MED27: variants seen among roughly 807,000 people sequenced by gnomAD.
MED27 encodes mediator of RNA polymerase II transcription subunit 27.
MED27 carries 30 observed loss-of-function variants against 38.2 expected under a neutral mutation model. That is an observed-to-expected ratio of 0.79 (90% CI 0.59 to 1.07). The LOEUF (loss-of-function observed/expected upper bound fraction) is 1.07. Ranked by LOEUF, MED27 falls within the 50% of genes least tolerant of loss-of-function variation. The pLI is 0.00. For missense variants in MED27, 289 were observed against 397.5 expected (o/e 0.73, Z 2.32); for synonymous variants, 122 against 153.5 (o/e 0.79, Z 1.52).
rs1243568539 is a variant in MED27 at position 131,944,046 on chromosome 9, A to ATC, written c.480-4574_480-4573dup. Among the ~76,000 whole-genome samples, 3 of 152,078 alleles carry ATC rather than the reference A, an allele frequency of 2.0e-5. No individual in the cohort carries two copies. In the East Asian group the frequency reaches 5.8e-4, roughly 29 times the overall value. ...CACTTTTTTCCAGCACAACCCAACC[A>ATC]TCTCTTCCAGAAGGACAGCTTCAGT... is the stretch of plus-strand genomic sequence containing the variant. On this transcript the variant is annotated intron_variant, in intron 3 of 7. Transcript: ENST00000292035.
At chr9:132,008,140 T>TA (rs1192409950) in intron 3 of MED27, among the ~76,000 whole-genome samples, 1 of 152,236 alleles carries the variant, frequency 6.6e-6, no homozygotes, top group Non-Finnish European at 1.5e-5. Context: ...AGCCTGGCCA[T>TA]ACTGATTGAA....
chr9:132,035,089 T>C lies in MED27; in HGVS notation c.349-20622A>G, dbSNP rs966098249. Among the ~76,000 whole-genome samples the C allele has an allele frequency of 3.3e-5, 5 of 152,144 alleles. No individual in the cohort carries two copies. In the East Asian group the frequency reaches 9.7e-4, roughly 29 times the overall value. On this transcript the variant is annotated intron_variant, in intron 2 of 7. Coordinates refer to ENST00000292035, the MANE Select transcript of MED27 (RefSeq NM_004269.4). ...CAAGTGTTCACTGTGGGGCAGGCAT[T>C]AAATCCTTGCAATGCAATAAAGGGG...
chr9:132,001,658 G>C (rs370410675), intron 3 of MED27, among the ~76,000 whole-genome samples: 13 of 152,324 alleles, frequency 8.5e-5, no homozygotes, highest in African/African-American at 2.9e-4. Context: ...TTCCAGAGCT[G>C]ATGAGGCAGC....
At chr9:131,946,792 C>T (rs1463287821) in intron 3 of MED27, among the ~76,000 whole-genome samples, 6 of 152,324 alleles carry the variant, frequency 3.9e-5, no homozygotes, top group African/African-American at 1.4e-4. Flanking sequence ...TATTCTCACC[C>T]CCGTGCCTGG....
chr9:131,880,027 G>A (rs1347349539), intron 6 of MED27, among the ~76,000 whole-genome samples: 3 of 152,244 alleles, frequency 2.0e-5, no homozygotes, highest in Non-Finnish European at 2.9e-5. Context: ...TCCCACCTCT[G>A]CACGTAGTGC....
chr9:132,051,113 A>G lies in MED27; in HGVS notation c.348+26329T>C, dbSNP rs1833455420. On this transcript the variant is annotated intron_variant, in intron 2 of 7. Transcript: ENST00000292035. This position sits in a 1 kb window ranked among gnomAD's most constrained non-coding sequence, Gnocchi z 4.2. ...TTTTTCAAATGAAGTGTCAAGACAC[A>G]GCAGTTTTTGTAATCAATTATGAGA... Among the ~76,000 whole-genome samples, 1 of 152,250 alleles carries G rather than the reference A, an allele frequency of 6.6e-6. No individual in the cohort carries two copies. Among genetic ancestry groups the G allele is most frequent in the Non-Finnish European group, 1.5e-5 (1 of 68,040 alleles).
At chr9:131,964,330 T>G in intron 3 of MED27, among the ~76,000 whole-genome samples, 3 of 150,640 alleles carry the variant, frequency 2.0e-5, no homozygotes, top group East Asian at 2.0e-4. Context: ...GTGGTGGAGG[T>G]GATGGTGGTG....
At chr9:131,985,219 C>T (rs1212487812) in intron 3 of MED27, among the ~76,000 whole-genome samples, 1 of 152,108 alleles carries the variant, frequency 6.6e-6, no homozygotes. Flanking sequence ...CTGTTTTCTT[C>T]AAGACTCTGG....
Position 132,060,516 on chromosome 9 carries a change from T to C in MED27, c.348+16926A>G, listed in dbSNP as rs140483487. Among the ~76,000 whole-genome samples, 299 of 152,226 alleles carry C rather than the reference T, an allele frequency of 2.0e-3. 2 individuals are homozygous for C. Among genetic ancestry groups the C allele is most frequent in the African/African-American group, 6.9e-3 (285 of 41,554 alleles). On this transcript the variant is annotated intron_variant, in intron 2 of 7. Coordinates refer to ENST00000292035, the MANE Select transcript of MED27 (RefSeq NM_004269.4). ...CCACCCGACTGTGACCACTGCACGG[T>C]CCCACATGATGGCTCCATTTCTATA...
Position 131,997,389 on chromosome 9 carries a change from C to T in MED27, c.479+16948G>A, listed in dbSNP as rs1483196213. On this transcript the variant is annotated intron_variant, in intron 3 of 7. Coordinates refer to ENST00000292035, the MANE Select transcript of MED27 (RefSeq NM_004269.4). This position sits in a 1 kb window ranked among gnomAD's most constrained non-coding sequence, Gnocchi z 4.0. ...CCTCTGCTGCAGACAGCTATCTCAC[C>T]GAGGTCACAGCCTTCCTGGAGCCAC... Among the ~76,000 whole-genome samples the T allele has an allele frequency of 3.3e-5, 5 of 152,148 alleles. No homozygotes were observed. Among genetic ancestry groups the T allele is most frequent in the Non-Finnish European group, 7.4e-5 (5 of 68,024 alleles).
rs1834138608 is a variant in MED27 at position 132,079,848 on chromosome 9, G to A, written c.-4C>T. 6.3e-7 allele frequency: 1 copy of A among 1,575,126 alleles called. No homozygotes were observed. The highest frequency in any genetic ancestry group is 1.9e-5 in the Admixed American group (1 of 53,142). ...TGACATTTATCACGTCCGCCATGTT[G>A]CCGCCGCCACAGCAGCTCTCCAAAG... On this transcript the variant is annotated 5_prime_UTR_variant, in exon 1 of 8. Coordinates refer to ENST00000292035, the MANE Select transcript of MED27 (RefSeq NM_004269.4).
Position 132,051,510 on chromosome 9 carries a change from T to G in MED27, c.348+25932A>C, listed in dbSNP as rs1833465247. 6.6e-6 allele frequency among the ~76,000 whole-genome samples: 1 copy of G among 152,074 alleles called. No individual in the cohort carries two copies. The highest frequency in any genetic ancestry group is 1.5e-5 in the Non-Finnish European group (1 of 68,014). On this transcript the variant is annotated intron_variant, in intron 2 of 7. Coordinates refer to ENST00000292035, the MANE Select transcript of MED27 (RefSeq NM_004269.4). This position sits in a 1 kb window ranked among gnomAD's most constrained non-coding sequence, Gnocchi z 4.2. ...ATCCCATCCCCTGCCCCTCCTTAGCTAGACATAAAGACTGTGGAAATATGC... is the reference window on the plus strand; with the variant it reads ...ATCCCATCCCCTGCCCCTCCTTAGCGAGACATAAAGACTGTGGAAATATGC...
chr9:132,057,408 T>C (rs917812313), intron 2 of MED27, among the ~76,000 whole-genome samples: 3 of 152,162 alleles, frequency 2.0e-5, no homozygotes, highest in African/African-American at 7.2e-5. Context: ...GTTACTTCTA[T>C]GGGTAATCAC....
chr9:132,001,874 G>A (rs978760919), intron 3 of MED27, among the ~76,000 whole-genome samples: 2 of 152,206 alleles, frequency 1.3e-5, no homozygotes, highest in African/African-American at 4.8e-5. Context: ...AGTCTCAGCT[G>A]CATGCAGGAA....
At chr9:132,018,911 ATT>A (rs66683766) in intron 2 of MED27, among the ~76,000 whole-genome samples, 1 of 151,444 alleles carries the variant, frequency 6.6e-6, no homozygotes, top group East Asian at 1.9e-4. Flanking sequence ...GATTCACTTT[ATT>A]TTTTTTTTAA....
intron 2 of MED27, among the ~76,000 whole-genome samples, chr9:132,027,980 C>T (rs1310518226): frequency 6.6e-6 from 1 of 152,142 alleles, no homozygotes; most frequent in Non-Finnish European, 1.5e-5. Flanking sequence ...GGCCTAGGTG[C>T]CCATCTCTGA....
At chr9:131,929,217 C>T (rs1422023697) in intron 4 of MED27, among the ~76,000 whole-genome samples, 1 of 152,242 alleles carries the variant, frequency 6.6e-6, no homozygotes, top group African/African-American at 2.4e-5. Flanking sequence ...CCAACAGTGA[C>T]ACCCAGGTGG....
chr9:132,020,459 G>A (rs530833387), intron 2 of MED27, among the ~76,000 whole-genome samples: 4 of 152,268 alleles, frequency 2.6e-5, no homozygotes, highest in African/African-American at 9.6e-5. Flanking sequence ...TGTGTGTTGC[G>A]ACACTGCAAG....
chr9:131,984,482 C>T (rs889071392), intron 3 of MED27, among the ~76,000 whole-genome samples: 8 of 152,126 alleles, frequency 5.3e-5, no homozygotes, highest in Admixed American at 2.0e-4. Context: ...CAGGGTCCCT[C>T]CTTCACAGGG....
Sources: gnomAD v4.1 joint callset for allele counts (sites outside exome capture counted in the v4.1 genomes callset) on GRCh38, gnomAD v4.1.1 for gene constraint, Gnocchi (gnomAD v3.1) non-coding constraint, MANE v1.5 for transcripts, NCBI Gene and HGNC (gene_info 2026-07-23, HGNC 2026-07-21) for gene names.